Variants in CSMD3 observed in about 807,000 individuals in gnomAD.
CSMD3 encodes CUB and sushi domain-containing protein 3.
CSMD3 carries 177 observed loss-of-function variants against 435.2 expected under a neutral mutation model. The observed-to-expected ratio is 0.41, with a 90% confidence interval of 0.36 to 0.46. CSMD3 has a LOEUF of 0.46. CSMD3 is among the 20% of genes least tolerant of loss of function. The pLI, the probability that CSMD3 is intolerant of heterozygous loss-of-function variation, is 0.34. For missense variants in CSMD3, 4,265 were observed against 4,504.6 expected (o/e 0.95, Z 1.52); for synonymous variants, 1,656 against 1,520.5 (o/e 1.09, Z -2.07).
chr8:112,541,209 C>A (rs1826629856), intron 27 of CSMD3, among the ~76,000 whole-genome samples: 1 of 151,832 alleles, frequency 6.6e-6, no homozygotes, highest in South Asian at 2.1e-4. Context: ...AATAACCTAA[C>A]TTTCTCCTTC....
chr8:113,352,396 G>T (rs1429144179), intron 1 of CSMD3, among the ~76,000 whole-genome samples: 1 of 152,038 alleles, frequency 6.6e-6, no homozygotes. Flanking sequence ...AGCAAGGCAG[G>T]ATTCTCCCCG....
At position 112,976,361 on chromosome 8, in the gene CSMD3, A is replaced by G. The variant is rs1158173025; in HGVS notation, c.1031-213T>C. ...CTATGGATAGATATACACACAAAAT[A>G]TACCACATTTTAACTGTAATACATT... On this transcript the variant is annotated intron_variant, in intron 6 of 70. Coordinates refer to ENST00000297405, the MANE Select transcript of CSMD3 (RefSeq NM_198123.2). 2.0e-5 allele frequency among the ~76,000 whole-genome samples: 3 copies of G among 152,138 alleles called. No homozygotes were observed. In the East Asian group the frequency reaches 5.8e-4, roughly 29 times the overall value.
intron 12 of CSMD3, among the ~76,000 whole-genome samples, chr8:112,812,478 T>G (rs1278258830): frequency 6.6e-6 from 1 of 152,110 alleles, no homozygotes; most frequent in East Asian, 1.9e-4. Context: ...AACACACACT[T>G]AAATCTTTCA....
At chr8:113,324,904 G>A (rs2093973474) in intron 1 of CSMD3, among the ~76,000 whole-genome samples, 1 of 152,232 alleles carries the variant, frequency 6.6e-6, no homozygotes, top group African/African-American at 2.4e-5. Context: ...ACTCAGATGG[G>A]AGACATGGAG....
chr8:112,674,814 T>A (rs2075736691), intron 16 of CSMD3, among the ~76,000 whole-genome samples: 1 of 152,144 alleles, frequency 6.6e-6, no homozygotes, highest in Non-Finnish European at 1.5e-5. Flanking sequence ...TATGCAGCCC[T>A]TTCCCTCAAT....
At chr8:112,921,799 A>C in intron 9 of CSMD3, 48 bp from the exon 10 acceptor site, 1 of 1,456,950 alleles carries the variant, frequency 6.9e-7, no homozygotes, top group Non-Finnish European at 9.6e-7. Flanking sequence ...GATGCAACAT[A>C]ATAACTAGGC....
At chr8:112,895,949 G>T (rs1449989521) in intron 10 of CSMD3, among the ~76,000 whole-genome samples, 1 of 151,404 alleles carries the variant, frequency 6.6e-6, no homozygotes, top group Non-Finnish European at 1.5e-5. Context: ...TCCAAATCTA[G>T]TCTTTTTATT....
At chr8:112,410,626 G>A (rs371128393) in intron 32 of CSMD3, among the ~76,000 whole-genome samples, 52 of 33,396 alleles carry the variant, frequency 1.6e-3, no homozygotes, top group African/African-American at 2.2e-3. Context: ...GTATATATAT[G>A]TGTATATATA....
chr8:112,982,761 T>C (rs1480335580), intron 6 of CSMD3, among the ~76,000 whole-genome samples: 1 of 152,008 alleles, frequency 6.6e-6, no homozygotes, highest in Admixed American at 6.6e-5. Context: ...GAGGAGAGAA[T>C]AAATTAGTAA....
intron 1 of CSMD3, chr8:113,377,095 T>A: frequency 7.8e-7 from 1 of 1,284,542 alleles, no homozygotes; most frequent in Non-Finnish European, 1.0e-6. Context: ...GGCGCTGGAC[T>A]CCCCCAAGGG....
chr8:112,389,530 TG>T (rs748121419), intron 36 of CSMD3, among the ~76,000 whole-genome samples: 22 of 152,228 alleles, frequency 1.4e-4, no homozygotes, highest in Non-Finnish European at 2.8e-4. Flanking sequence ...ACATGCTTTT[TG>T]TTTTGTCATT....
rs930103056 is a variant in CSMD3 at position 112,783,338 on chromosome 8, A to C, written c.1972+16824T>G. Among the ~76,000 whole-genome samples, 10 of 151,004 alleles carry C rather than the reference A, an allele frequency of 6.6e-5. No individual in the cohort carries two copies. In the Admixed American group the frequency reaches 6.6e-4, roughly 10 times the overall value. The stretch of plus-strand genomic sequence containing the variant: ...AACTACAACAGATACACAAAAAAAT[A>C]GAAAGCCAAGAATTAAAACATACCA... On this transcript the variant is annotated intron_variant, in intron 13 of 70. Transcript: ENST00000297405.
intron 32 of CSMD3, among the ~76,000 whole-genome samples, chr8:112,448,565 C>T (rs1815891681): frequency 6.6e-6 from 1 of 152,072 alleles, no homozygotes; most frequent in Non-Finnish European, 1.5e-5. Context: ...TAGGAAGAGA[C>T]AAGAAACAGA....
chr8:113,431,771 C>CT (rs200998939), intron 1 of CSMD3, among the ~76,000 whole-genome samples: 2,781 of 151,942 alleles, frequency 0.018, 94 homozygotes, highest in African/African-American at 0.061. Flanking sequence ...ACCTCTCCTA[C>CT]TTTTTTTGTT....
intron 35 of CSMD3, among the ~76,000 whole-genome samples, chr8:112,393,986 A>C (rs1830659931): frequency 6.6e-6 from 1 of 151,922 alleles, no homozygotes; most frequent in Non-Finnish European, 1.5e-5. Flanking sequence ...ATATACTCTG[A>C]CTACCAGATG....
chr8:112,528,581 A>G (rs905621650), intron 27 of CSMD3, among the ~76,000 whole-genome samples: 13 of 152,182 alleles, frequency 8.5e-5, no homozygotes, highest in Admixed American at 3.3e-4. Context: ...CATCAGCACA[A>G]TGGCAAAGTA....
chr8:113,414,042 A>T (rs2094570990), intron 1 of CSMD3, among the ~76,000 whole-genome samples: 1 of 152,178 alleles, frequency 6.6e-6, no homozygotes, highest in Admixed American at 6.5e-5. Context: ...ACATGAACAT[A>T]TAGAATCAAG....
chr8:113,033,670 G>A (rs1002024576), intron 5 of CSMD3, among the ~76,000 whole-genome samples: 2 of 150,192 alleles, frequency 1.3e-5, no homozygotes, highest in African/African-American at 4.9e-5. Context: ...CTCTGGACTT[G>A]GATTTTTGGG....
intron 22 of CSMD3, among the ~76,000 whole-genome samples, chr8:112,629,255 G>A (rs961703083): frequency 1.3e-5 from 2 of 151,986 alleles, no homozygotes; most frequent in African/African-American, 4.8e-5. Flanking sequence ...AGGCTGGAGT[G>A]TGGTGGCACC....
Sources: gnomAD v4.1 joint callset for allele counts (sites outside exome capture counted in the v4.1 genomes callset) on GRCh38, gnomAD v4.1.1 for gene constraint, MANE v1.5 for transcripts, NCBI Gene and HGNC (gene_info 2026-07-23, HGNC 2026-07-21) for gene names.